The following FOXP1 variants were observed in gnomAD, a reference collection of about 807,000 sequenced individuals.
FOXP1 encodes forkhead box P1.
Under a neutral mutation model 98.2 loss-of-function variants are expected in FOXP1, and 15 were observed. The ratio of observed to expected loss-of-function variants is 0.15; its 90% CI spans 0.10 to 0.24. The LOEUF (loss-of-function observed/expected upper bound fraction) is 0.24. Ranked by LOEUF, FOXP1 falls within the 10% of genes least tolerant of loss-of-function variation. FOXP1 has a pLI of 1.00. For missense variants in FOXP1, 633 were observed against 848.5 expected, an observed-to-expected ratio of 0.75 and a Z score of 3.15; for synonymous variants, 371 against 314.5, an observed-to-expected ratio of 1.18 and a Z score of -1.90.
intron 7 of FOXP1, chr3:71,065,074 C>T (rs2052273172): frequency 6.8e-6 from 1 of 147,532 alleles, no homozygotes; most frequent in Admixed American, 6.7e-5. Flanking sequence ...GCTCCGCGGC[C>T]CGCGCCCCGC....
chr3:71,350,662 CA>C (rs536189205), intron 4 of FOXP1, among the ~76,000 whole-genome samples: 92 of 152,264 alleles, frequency 6.0e-4, no homozygotes, highest in Non-Finnish European at 1.1e-3. Context: ...AGATGTCAAG[CA>C]TTAGGCAGAC....
chr3:71,367,093 C>G (rs1018486967), intron 3 of FOXP1, among the ~76,000 whole-genome samples: 1 of 152,150 alleles, frequency 6.6e-6, no homozygotes, highest in Admixed American at 6.6e-5. Flanking sequence ...TTTGGCATTT[C>G]ATAAATATTT....
chr3:71,348,518 T>C (rs1438289213), intron 4 of FOXP1, among the ~76,000 whole-genome samples: 5 of 30,758 alleles, frequency 1.6e-4, no homozygotes, highest in African/African-American at 4.0e-4. Context: ...TGTGTGTGTG[T>C]GTGCGTGTGT....
chr3:71,490,858 T>C (rs554255012), intron 3 of FOXP1, among the ~76,000 whole-genome samples: 1 of 152,302 alleles, frequency 6.6e-6, no homozygotes, highest in African/African-American at 2.4e-5. Flanking sequence ...ACTCTCTCAA[T>C]ACCAAAGACA....
chr3:71,464,483 G>A (rs2088490451), intron 3 of FOXP1, among the ~76,000 whole-genome samples: 3 of 152,182 alleles, frequency 2.0e-5, no homozygotes, highest in South Asian at 2.1e-4. Context: ...GTGAATCAGA[G>A]GCCAAGTTAC....
chr3:71,119,667 C>A (rs1245527151), intron 6 of FOXP1, among the ~76,000 whole-genome samples: 1 of 152,164 alleles, frequency 6.6e-6, no homozygotes, highest in Non-Finnish European at 1.5e-5. Flanking sequence ...AAGCAGTGAT[C>A]ATTTAACACA....
intron 3 of FOXP1, among the ~76,000 whole-genome samples, chr3:71,490,393 G>T (rs879269173): frequency 2.0e-5 from 3 of 152,158 alleles, no homozygotes; most frequent in Non-Finnish European, 4.4e-5. Context: ...AGCTAATTGG[G>T]AGGCTGAGGG....
In FOXP1 at chr3:71,418,029, C is replaced by CA. The variant is rs1215453230; in HGVS notation, c.-167-58786dup. Among the ~76,000 whole-genome samples, 3 of 150,340 alleles carry CA rather than the reference C, an allele frequency of 2.0e-5. No homozygotes were observed. In the East Asian group the frequency reaches 5.9e-4, roughly 29 times the overall value. ...GAGTGCTTTTCATGTAATTTTTACT[C>CA]ACGAAGTTGCCAGTGTTAATTTCTA... is the stretch of plus-strand genomic sequence containing the variant. On this transcript the variant is annotated intron_variant, in intron 3 of 20. Transcript: ENST00000649528.
intron 3 of FOXP1, among the ~76,000 whole-genome samples, chr3:71,485,894 T>A (rs781299394): frequency 2.6e-5 from 4 of 152,198 alleles, no homozygotes; most frequent in Non-Finnish European, 5.9e-5. Flanking sequence ...AGAAAATTTT[T>A]GGAGGAAGCC....
At chr3:71,312,743 G>C (rs892692449) in intron 4 of FOXP1, among the ~76,000 whole-genome samples, 7 of 152,306 alleles carry the variant, frequency 4.6e-5, no homozygotes, top group Admixed American at 2.6e-4. Context: ...CCAGCACTCT[G>C]GGAGGCCAAG....
chr3:71,405,981 C>T (rs1409907171), intron 3 of FOXP1, among the ~76,000 whole-genome samples: 2 of 152,024 alleles, frequency 1.3e-5, no homozygotes, highest in East Asian at 1.9e-4. Context: ...CCACCTGCCT[C>T]GGCCTCCCAA....
At chr3:71,250,846 G>A (rs189394587) in intron 5 of FOXP1, among the ~76,000 whole-genome samples, 44 of 152,184 alleles carry the variant, frequency 2.9e-4, no homozygotes, top group African/African-American at 1.0e-3. Context: ...CAGGAGAATC[G>A]CTTGAACCCA....
chr3:71,505,637 G>C (rs996173863), intron 2 of FOXP1, among the ~76,000 whole-genome samples: 3 of 152,052 alleles, frequency 2.0e-5, no homozygotes, highest in African/African-American at 7.2e-5. Context: ...GTGTTAGCCA[G>C]GATAGTCTCG....
intron 4 of FOXP1, among the ~76,000 whole-genome samples, chr3:71,330,205 T>G (rs146279159): frequency 6.6e-6 from 1 of 152,224 alleles, no homozygotes; most frequent in Non-Finnish European, 1.5e-5. Context: ...TACTTTAACA[T>G]TCTCCTTTGC....
intron 6 of FOXP1, among the ~76,000 whole-genome samples, chr3:71,183,425 G>A (rs574554321): frequency 1.3e-5 from 2 of 152,286 alleles, no homozygotes; most frequent in East Asian, 1.9e-4. Flanking sequence ...CTTGAACCCA[G>A]GAGGCGGAGG....
At chr3:71,427,824 A>T (rs1205143609) in intron 3 of FOXP1, among the ~76,000 whole-genome samples, 1 of 152,264 alleles carries the variant, frequency 6.6e-6, no homozygotes, top group Non-Finnish European at 1.5e-5. Context: ...AAATGCAGGC[A>T]ACCCAGGAAG....
In FOXP1 at chr3:71,277,017, G is replaced by T. The variant is rs921786857; in HGVS notation, c.-12+22803C>A. Among the ~76,000 whole-genome samples, 133 of 149,052 alleles carry T rather than the reference G, an allele frequency of 8.9e-4. 2 individuals carry two copies. Among genetic ancestry groups the T allele is most frequent in the South Asian group, 4.3e-4 (2 of 4,704 alleles). On this transcript the variant is annotated intron_variant, in intron 5 of 20. Coordinates refer to ENST00000649528, the MANE Select transcript of FOXP1 (RefSeq NM_001349338.3). ...TCTGTCGCCCAGGCTGGAGTGCAGT[G>T]GTGCCATCTCGGCTCACTGCAAGCT...
rs149695648 is a variant in FOXP1 at position 71,331,768 on chromosome 3, G to C, written c.-73+27382C>G. 9.4e-3 allele frequency among the ~76,000 whole-genome samples: 1,427 copies of C among 152,224 alleles called. 24 individuals carry two copies. The highest frequency in any genetic ancestry group is 0.033 in the African/African-American group (1,359 of 41,532). On this transcript the variant is annotated intron_variant, in intron 4 of 20. Transcript: ENST00000649528. ...AACCTTTATGTCTAGCTAAGGGATT[G>C]TAAATACGCCAATCAGTACTCTGTG...
chr3:71,228,282 C>T (rs1051991497), intron 5 of FOXP1, among the ~76,000 whole-genome samples: 2 of 151,110 alleles, frequency 1.3e-5, no homozygotes, highest in Admixed American at 6.6e-5. Context: ...CTATACGCAC[C>T]GAAATTATTG....
Sources: gnomAD v4.1 joint callset for allele counts (sites outside exome capture counted in the v4.1 genomes callset) on GRCh38, gnomAD v4.1.1 for gene constraint, MANE v1.5 for transcripts, NCBI Gene and HGNC (gene_info 2026-07-23, HGNC 2026-07-21) for gene names.